NAV3: variants seen among roughly 807,000 people sequenced by gnomAD.
NAV3 encodes the protein neuron navigator 3.
NAV3 carries 87 observed loss-of-function variants against 244.7 expected under a neutral mutation model. The ratio of observed to expected loss-of-function variants is 0.36; its 90% CI spans 0.30 to 0.42. The LOEUF is 0.42. Ranked by LOEUF, NAV3 falls within the 20% of genes least tolerant of loss-of-function variation. The pLI, the probability that NAV3 is intolerant of heterozygous loss-of-function variation, is 1.00. For synonymous variants in NAV3, 1,126 were observed against 1,042.2 expected (o/e 1.08, Z -1.55); for missense variants, 2,663 against 2,893.3 (o/e 0.92, Z 1.83).
At chr12:78,012,649 C>T (rs1302803563) in intron 8 of NAV3, among the ~76,000 whole-genome samples, 1 of 152,066 alleles carries the variant, frequency 6.6e-6, no homozygotes, top group Non-Finnish European at 1.5e-5. Flanking sequence ...CAACTGTCTT[C>T]TAGATCACTG....
intron 12 of NAV3, among the ~76,000 whole-genome samples, chr12:78,064,408 T>G (rs1416755145): frequency 7.3e-6 from 1 of 136,064 alleles, no homozygotes; most frequent in Non-Finnish European, 1.6e-5. Context: ...TCTGTCTGTC[T>G]GTCTGTCTGT....
rs182358970 is a variant in NAV3 at position 77,882,641 on chromosome 12, A to G, written c.243+50937A>G. ...AAGAAACTATCAACAGAGTAAACAGACAACCTTAGAGCATAGGAGAAAATA... is the reference window on the plus strand; with the variant it reads ...AAGAAACTATCAACAGAGTAAACAGGCAACCTTAGAGCATAGGAGAAAATA... On this transcript the variant is annotated intron_variant, in intron 1 of 39. Transcript: ENST00000397909. Among the ~76,000 whole-genome samples the G allele has an allele frequency of 3.4e-3, 524 of 152,260 alleles. 4 individuals carry two copies. The highest frequency in any genetic ancestry group is 6.3e-3 in the Non-Finnish European group (426 of 67,992).
Position 78,058,869 on chromosome 12 carries a change from A to G in NAV3, c.2517-127A>G. 5.3e-6 allele frequency: 4 copies of G among 753,774 alleles called. No individual in the cohort carries two copies. In the South Asian group the frequency reaches 9.0e-5, roughly 17 times the overall value. The allele number at this position is 753,774 out of a possible 1,614,324, so 46.7% of individuals were successfully genotyped here. On this transcript the variant is annotated intron_variant, in intron 11 of 39. Transcript: ENST00000397909. ...GGTGAGTAGAATGTTTATACAGAATAAAAAACAAGATAATAGAATATATTT... is the reference window on the plus strand; with the variant it reads ...GGTGAGTAGAATGTTTATACAGAATGAAAAACAAGATAATAGAATATATTT...
At chr12:77,663,649 G>A (rs934062373) in intron 2 of NAV3, among the ~76,000 whole-genome samples, 2 of 151,854 alleles carry the variant, frequency 1.3e-5, no homozygotes, top group Non-Finnish European at 2.9e-5. Context: ...AGCCTCCCAA[G>A]TAGCTGGAAT....
intron 2 of NAV3, among the ~76,000 whole-genome samples, chr12:77,586,117 G>C (rs1354037532): frequency 9.9e-5 from 15 of 151,850 alleles, no homozygotes; most frequent in African/African-American, 3.4e-4. Flanking sequence ...AGCCGAGATC[G>C]CGCCACTGCA....
chr12:77,720,392 A>C (rs1251332216), intron 2 of NAV3, among the ~76,000 whole-genome samples: 1 of 152,118 alleles, frequency 6.6e-6, no homozygotes, highest in Non-Finnish European at 1.5e-5. Context: ...CTTCTCAGGA[A>C]GTGTGCACAT....
chr12:77,838,013 C>T (rs1210375847), intron 1 of NAV3, among the ~76,000 whole-genome samples: 3 of 152,230 alleles, frequency 2.0e-5, no homozygotes, highest in Non-Finnish European at 4.4e-5. Context: ...GGCTTGCTCA[C>T]ATGGTAGCAT....
chr12:77,626,949 G>A (rs1383443438), intron 2 of NAV3, among the ~76,000 whole-genome samples: 5 of 151,848 alleles, frequency 3.3e-5, no homozygotes, highest in Non-Finnish European at 7.4e-5. Context: ...CATACCAAAT[G>A]GTAAAGCCAA....
At chr12:77,807,637 A>G (rs1450801810) in intron 2 of NAV3, among the ~76,000 whole-genome samples, 2 of 152,134 alleles carry the variant, frequency 1.3e-5, no homozygotes, top group African/African-American at 2.4e-5. Flanking sequence ...ACCTTGATGA[A>G]TCTGACGATT....
chr12:77,751,931 G>A (rs916184297), intron 2 of NAV3, among the ~76,000 whole-genome samples: 2 of 152,214 alleles, frequency 1.3e-5, no homozygotes, highest in African/African-American at 4.8e-5. Flanking sequence ...TGTCTTCAGG[G>A]AGATATTTTT....
intron 2 of NAV3, among the ~76,000 whole-genome samples, chr12:77,614,850 T>C (rs1287752628): frequency 1.3e-5 from 2 of 152,326 alleles, no homozygotes; most frequent in Admixed American, 1.3e-4. Flanking sequence ...TTATAGTGGA[T>C]GTCATCATTA....
chr12:77,767,413 A>G (rs1869831886), intron 2 of NAV3, among the ~76,000 whole-genome samples: 1 of 151,984 alleles, frequency 6.6e-6, no homozygotes, highest in African/African-American at 2.4e-5. Flanking sequence ...TATTCTACCC[A>G]CTTGGCCTGG....
At chr12:77,682,363 A>T (rs932597340) in intron 2 of NAV3, among the ~76,000 whole-genome samples, 1 of 152,100 alleles carries the variant, frequency 6.6e-6, no homozygotes, top group Non-Finnish European at 1.5e-5. Flanking sequence ...ATAGTATCCC[A>T]TTGTGTATAG....
intron 12 of NAV3, among the ~76,000 whole-genome samples, chr12:78,069,325 A>G (rs1016587732): frequency 5.3e-5 from 8 of 151,984 alleles, no homozygotes; most frequent in Non-Finnish European, 1.0e-4. Context: ...AAACTTTTCT[A>G]GGTTTATTAA....
intron 22 of NAV3, among the ~76,000 whole-genome samples, chr12:78,155,862 C>T (rs773088576): frequency 6.6e-6 from 1 of 151,846 alleles, no homozygotes. Context: ...TTTTTACTTG[C>T]GCATTTGTTG....
intron 12 of NAV3, among the ~76,000 whole-genome samples, chr12:78,065,919 G>A (rs1884963988): frequency 6.6e-6 from 1 of 152,094 alleles, no homozygotes; most frequent in African/African-American, 2.4e-5. Flanking sequence ...GAAGATAGAA[G>A]AATCTGGGAA....
intron 23 of NAV3, among the ~76,000 whole-genome samples, chr12:78,160,318 A>G (rs1957474615): frequency 1.3e-5 from 2 of 151,900 alleles, no homozygotes; most frequent in East Asian, 1.9e-4. Flanking sequence ...CTGTTAGTCC[A>G]GTGGCCTTAA....
intron 2 of NAV3, among the ~76,000 whole-genome samples, chr12:77,770,626 G>T (rs1569029): frequency 0.97 from 147,488 of 152,274 alleles, 71,602 homozygotes; most frequent in Middle Eastern, 1. Flanking sequence ...ACACCACAGC[G>T]TTTAGAGCTT....
At chr12:77,742,370 T>C (rs545538850) in intron 2 of NAV3, among the ~76,000 whole-genome samples, 48 of 152,252 alleles carry the variant, frequency 3.2e-4, no homozygotes, top group African/African-American at 1.1e-3. Flanking sequence ...ATCTTTAGAT[T>C]TGATCCTTGA....
Sources: gnomAD v4.1 joint callset for allele counts (sites outside exome capture counted in the v4.1 genomes callset) on GRCh38, gnomAD v4.1.1 for gene constraint, MANE v1.5 for transcripts, NCBI Gene and HGNC (gene_info 2026-07-23, HGNC 2026-07-21) for gene names.